EHBP1: variants seen among roughly 807,000 people sequenced by gnomAD.
The protein encoded by EHBP1 is EH domain binding protein 1, also known as EH domain-binding protein 1.
In EHBP1, 55 loss-of-function variants were observed where a neutral mutation model predicts 144.0. That is an observed-to-expected ratio of 0.38 (90% CI 0.31 to 0.48). EHBP1 has a LOEUF of 0.48. Among genes scored for constraint, EHBP1 ranks in the 20% least tolerant of loss-of-function variants. The probability of loss-of-function intolerance (pLI) is 0.98; values close to 1 mark genes in which losing one functional copy is unlikely to be tolerated. For missense variants in EHBP1, 1,200 were observed against 1,364.2 expected (o/e 0.88, Z 1.90); for synonymous variants, 469 against 472.7 (o/e 0.99, Z 0.10).
intron 1 of EHBP1, among the ~76,000 whole-genome samples, chr2:62,680,757 T>C (rs1049382334): frequency 2.0e-5 from 3 of 152,130 alleles, no homozygotes; most frequent in African/African-American, 7.2e-5. Context: ...CAAAGGACAG[T>C]AGCTATACAG....
chr2:62,772,391 A>G (rs190069088), intron 5 of EHBP1, among the ~76,000 whole-genome samples: 149 of 152,340 alleles, frequency 9.8e-4, no homozygotes, highest in African/African-American at 3.5e-3. Context: ...ACTGGGAATT[A>G]AAGAAGACAG....
chr2:62,743,322 G>C (rs539828946), intron 2 of EHBP1, among the ~76,000 whole-genome samples: 1 of 151,958 alleles, frequency 6.6e-6, no homozygotes, highest in African/African-American at 2.4e-5. Flanking sequence ...GGTTGGGCAG[G>C]TTCTTTCTGT....
At chr2:62,812,177 C>G (rs2045069298) in intron 5 of EHBP1, among the ~76,000 whole-genome samples, 1 of 152,144 alleles carries the variant, frequency 6.6e-6, no homozygotes, top group Non-Finnish European at 1.5e-5. Flanking sequence ...AACCCCTCAC[C>G]AGATGCTGGC....
chr2:63,013,356 T>TAAC (rs2060348240), intron 19 of EHBP1, among the ~76,000 whole-genome samples: 1 of 152,192 alleles, frequency 6.6e-6, no homozygotes, highest in African/African-American at 2.4e-5. Flanking sequence ...ATGAACATAT[T>TAAC]AAAGGTATGC....
chr2:62,880,047 G>A (rs2051268601), intron 10 of EHBP1, among the ~76,000 whole-genome samples: 1 of 152,092 alleles, frequency 6.6e-6, no homozygotes, highest in Admixed American at 6.5e-5. Context: ...AGAGAACTCA[G>A]AAATAAAGCC....
chr2:62,693,771 T>G (rs1255194523), intron 1 of EHBP1, among the ~76,000 whole-genome samples: 1 of 152,138 alleles, frequency 6.6e-6, no homozygotes, highest in Non-Finnish European at 1.5e-5. Context: ...TCTTCTCCCC[T>G]CCCGACTACA....
At chr2:62,912,380 CCT>C (rs1482047894) in intron 10 of EHBP1, among the ~76,000 whole-genome samples, 1 of 151,868 alleles carries the variant, frequency 6.6e-6, no homozygotes, top group Non-Finnish European at 1.5e-5. Context: ...GGTAAAACCC[CCT>C]CTCTACTAAA....
chr2:63,026,294 TTG>T (rs60109170), intron 19 of EHBP1, among the ~76,000 whole-genome samples: 10,842 of 128,910 alleles, frequency 0.084, 340 homozygotes, highest in Middle Eastern at 0.16. Flanking sequence ...GCTCTCTACC[TTG>T]TGTGTGTGTG....
chr2:62,906,194 C>G (rs2053799773), intron 10 of EHBP1, among the ~76,000 whole-genome samples: 1 of 151,326 alleles, frequency 6.6e-6, no homozygotes, highest in Non-Finnish European at 1.5e-5. Flanking sequence ...GTCATTCCAG[C>G]ACTGCATGTT....
chr2:62,870,602 G>A (rs557384028), intron 9 of EHBP1, among the ~76,000 whole-genome samples: 129 of 151,142 alleles, frequency 8.5e-4, no homozygotes, highest in African/African-American at 2.9e-3. Flanking sequence ...TGTAATCCCA[G>A]CTACTCAGGA....
chr2:62,696,508 C>CTTTTTTTTTTTTTTTTTT (rs869081763), intron 1 of EHBP1, among the ~76,000 whole-genome samples: 17 of 76,780 alleles, frequency 2.2e-4, no homozygotes, highest in East Asian at 4.0e-4. Flanking sequence ...TTTTTTTCTT[C>CTTTTTTTTTTTTTTTTTT]TTTTTTTTTT....
chr2:62,991,488 G>A (rs997244836), intron 16 of EHBP1, among the ~76,000 whole-genome samples: 3 of 152,086 alleles, frequency 2.0e-5, no homozygotes, highest in Non-Finnish European at 2.9e-5. Context: ...TCAAGCTTCT[G>A]CCTATATAGA....
chr2:62,988,195 GTTATT>G (rs2059276892), intron 15 of EHBP1, among the ~76,000 whole-genome samples: 1 of 151,926 alleles, frequency 6.6e-6, no homozygotes, highest in Admixed American at 6.6e-5. Flanking sequence ...TCAATTTTAT[GTTATT>G]TTGTTTTAGG....
chr2:62,714,150 G>A (rs1292230677), intron 2 of EHBP1, among the ~76,000 whole-genome samples: 7 of 152,170 alleles, frequency 4.6e-5, no homozygotes, highest in Admixed American at 3.3e-4. Context: ...GGCTGAGGTG[G>A]CAGGATCCCA....
At position 62,955,523 on chromosome 2, in the gene EHBP1, T is replaced by C; in HGVS notation, c.2323T>C (p.Leu775=). The C allele has an allele frequency of 1.2e-6, 2 of 1,608,836 alleles. No homozygotes were observed. The highest frequency in any genetic ancestry group is 1.7e-6 in the Non-Finnish European group (2 of 1,177,830). The change falls in exon 14 of 23, where the codon TTG becomes CTG. Residue 775 remains leucine (L), a synonymous_variant. Coordinates refer to ENST00000431489, the MANE Select transcript of EHBP1 (RefSeq NM_001142616.3). ...DHSSKIVQHR[L]LSRQEELKER... ...CTGTATCTTTGCTTTTAAGCATCGA[T>C]TGTTATCTAGACAAGAAGAACTTAA... is the stretch of plus-strand genomic sequence containing the variant.
chr2:63,009,822 A>G (rs1358559798), intron 19 of EHBP1, among the ~76,000 whole-genome samples: 1 of 151,614 alleles, frequency 6.6e-6, no homozygotes, highest in Non-Finnish European at 1.5e-5. Context: ...CATACAATGT[A>G]TATATACTAT....
At chr2:63,005,487 C>T (rs2060001623) in intron 19 of EHBP1, among the ~76,000 whole-genome samples, 1 of 152,060 alleles carries the variant, frequency 6.6e-6, no homozygotes, top group Non-Finnish European at 1.5e-5. Context: ...AATCGAGTTC[C>T]ACTTGTGCCT....
chr2:62,742,864 C>T (rs2152116684), intron 2 of EHBP1, among the ~76,000 whole-genome samples: 1 of 152,128 alleles, frequency 6.6e-6, no homozygotes, highest in South Asian at 2.1e-4. Flanking sequence ...TAATTCCAAA[C>T]TTAAAAGTGC....
intron 1 of EHBP1, among the ~76,000 whole-genome samples, chr2:62,690,086 T>C (rs997052626): frequency 1.3e-5 from 2 of 152,140 alleles, no homozygotes; most frequent in African/African-American, 2.4e-5. Flanking sequence ...TGCTGAAGAG[T>C]AGAAGGACTG....
Sources: allele counts gnomAD v4.1 joint callset (sites outside exome capture counted in the v4.1 genomes callset), GRCh38; gene constraint gnomAD v4.1.1; transcripts MANE v1.5; gene names NCBI Gene and HGNC (gene_info 2026-07-23, HGNC 2026-07-21).